IMPA2: variants seen among roughly 807,000 people sequenced by gnomAD.
The protein encoded by IMPA2 is IMP 2.
Under a neutral mutation model 35.1 loss-of-function variants are expected in IMPA2, and 32 were observed. The ratio of observed to expected loss-of-function variants is 0.91; its 90% CI spans 0.69 to 1.23. The LOEUF (loss-of-function observed/expected upper bound fraction) is 1.23. IMPA2 is among the 50% of genes most tolerant of loss of function. The pLI, the probability that IMPA2 is intolerant of heterozygous loss-of-function variation, is 0.00. For missense variants in IMPA2, 334 were observed against 387.6 expected, an observed-to-expected ratio of 0.86 and a Z score of 1.16; for synonymous variants, 135 against 160.6, an observed-to-expected ratio of 0.84 and a Z score of 1.20.
At chr18:12,012,731 C>G (rs1907469393) in intron 4 of IMPA2, among the ~76,000 whole-genome samples, 1 of 152,152 alleles carries the variant, frequency 6.6e-6, no homozygotes, top group Non-Finnish European at 1.5e-5. Flanking sequence ...AGGTTTAAAG[C>G]TTATTAAATA....
chr18:11,999,313 G>T, intron 2 of IMPA2, 126 bp downstream of exon 2: 1 of 815,396 alleles, frequency 1.2e-6, no homozygotes, highest in Non-Finnish European at 1.9e-6. Flanking sequence ...CCTAAGCCAC[G>T]CAGCCTAACC....
chr18:11,999,049 T>A lies in IMPA2; in HGVS notation c.97-5T>A. ...TTTAACCCAAATCCCGTACTTTTAT[T>A]TCAGATCATCAGAAAAGCCCTTACT... On this transcript the variant is annotated splice_polypyrimidine_tract_variant and splice_region_variant and intron_variant, in intron 1 of 7. Coordinates refer to ENST00000269159, the MANE Select transcript of IMPA2 (RefSeq NM_014214.3). 1 of 1,609,620 alleles carries A rather than the reference T, an allele frequency of 6.2e-7. No homozygotes were observed. The highest frequency in any genetic ancestry group is 8.5e-7 in the Non-Finnish European group (1 of 1,178,168).
rs982584329 is a variant in IMPA2, at chr18:11,999,138, G to A, written c.181G>A (p.Val61Met). The change falls in exon 2 of 8, where the codon GTG (valine) becomes ATG (methionine). Residue 61 changes from valine (V) to methionine (M), a missense_variant. By Grantham distance (21) the Val-to-Met change is conservative (BLOSUM62 1). Transcript: ENST00000269159. ...TCTTGTGACAGAAACAGATCACCTT[G>A]TGGAAGATTTAATTATTTCTGAGTT... ...ADLVTETDHLVEDLIISELRE... is the reference protein window; with the variant it reads ...ADLVTETDHLMEDLIISELRE... 2 of 1,613,898 alleles carry A rather than the reference G, an allele frequency of 1.2e-6. No individual in the cohort carries two copies. The highest frequency in any genetic ancestry group is 1.7e-6 in the Non-Finnish European group (2 of 1,179,884).
chr18:11,989,789 T>A (rs905849006), intron 1 of IMPA2, among the ~76,000 whole-genome samples: 10 of 152,118 alleles, frequency 6.6e-5, no homozygotes, highest in African/African-American at 2.4e-4. Context: ...TCTGTGGCCC[T>A]GAGCTTGTCA....
intron 5 of IMPA2, chr18:12,021,852 C>A (rs1228544594): frequency 6.6e-6 from 1 of 152,214 alleles, no homozygotes. Flanking sequence ...CAAATGACTT[C>A]TCTCATTATT....
At chr18:12,022,531 ATATATATATAT>A (rs1907759587) in intron 5 of IMPA2, among the ~76,000 whole-genome samples, 4 of 44,716 alleles carry the variant, frequency 8.9e-5, no homozygotes, top group African/African-American at 1.6e-4. Context: ...CAAAAAGAAT[ATATATATATAT>A]ATATATATAT....
At chr18:12,009,773 T>A in intron 2 of IMPA2, 110 bp from the exon 3 acceptor site, 1 of 783,808 alleles carries the variant, frequency 1.3e-6, no homozygotes, top group East Asian at 2.5e-5. Context: ...GAAACCATGA[T>A]GACATCTGTT....
intron 1 of IMPA2, among the ~76,000 whole-genome samples, chr18:11,997,157 C>T (rs145142150): frequency 4.1e-4 from 62 of 152,344 alleles, no homozygotes; most frequent in Middle Eastern, 3.4e-3. Context: ...GCCTGTCTGG[C>T]CAGCTCAGGG....
rs776694209 is a variant in IMPA2, at chr18:11,999,154, T to C, written c.197T>C (p.Ile66Thr). The C allele has an allele frequency of 5.6e-6, 9 of 1,613,866 alleles. No individual in the cohort carries two copies. The South Asian group carries it at 6.6e-5, about 12-fold the overall frequency. Residue 66 changes from isoleucine to threonine, a missense_variant, in exon 2 of 8, where the codon ATT becomes ACT. Coordinates refer to ENST00000269159, the MANE Select transcript of IMPA2 (RefSeq NM_014214.3). The stretch of plus-strand genomic sequence containing the variant: ...GATCACCTTGTGGAAGATTTAATTA[T>C]TTCTGAGTTGCGAGAGAGGTTTCCT... ...ETDHLVEDLI[I>T]SELRERFPSH...
chr18:12,014,744 C>G (rs1461783037), intron 5 of IMPA2, among the ~76,000 whole-genome samples: 2 of 152,200 alleles, frequency 1.3e-5, no homozygotes, highest in African/African-American at 4.8e-5. Context: ...TGCCCAGGCA[C>G]TGCTGCCCAG....
chr18:11,988,854 CAG>C (rs912498466), intron 1 of IMPA2, among the ~76,000 whole-genome samples: 4 of 152,076 alleles, frequency 2.6e-5, no homozygotes, highest in Non-Finnish European at 4.4e-5. Flanking sequence ...TTTTTTGAGA[CAG>C]GGTATCGCTT....
At chr18:12,027,058 T>C (rs995614933) in intron 5 of IMPA2, among the ~76,000 whole-genome samples, 5 of 152,242 alleles carry the variant, frequency 3.3e-5, no homozygotes, top group African/African-American at 1.2e-4. Context: ...GACACAGAAC[T>C]GGGTCCATTG....
chr18:12,028,915 T>C lies in IMPA2; in HGVS notation c.673T>C (p.Phe225Leu), dbSNP rs1907961010. The change falls in exon 7 of 8, where the codon TTT (phenylalanine) becomes CTT (leucine). Residue 225 changes from phenylalanine (F) to leucine (L), a missense_variant. By Grantham distance (22) the Phe-to-Leu change is conservative. Transcript: ENST00000269159. ...AGGGGCCGCGGATGCCTATTACCAG[T>C]TTGGCCTGCACTGCTGGGATCTGGC... ...ASGAADAYYQ[F>L]GLHCWDLAAA... 4 of 1,613,968 alleles carry C rather than the reference T, an allele frequency of 2.5e-6. No homozygotes were observed. Among genetic ancestry groups the C allele is most frequent in the Non-Finnish European group, 3.4e-6 (4 of 1,180,020 alleles).
chr18:11,999,282 T>C, intron 2 of IMPA2, 95 bp downstream of exon 2: 1 of 1,264,330 alleles, frequency 7.9e-7, no homozygotes, highest in Non-Finnish European at 1.1e-6. Flanking sequence ...TGCTGTTTGT[T>C]GATGTGGCCA....
chr18:12,022,162 A>G (rs1183575729), intron 5 of IMPA2, among the ~76,000 whole-genome samples: 1 of 152,178 alleles, frequency 6.6e-6, no homozygotes, highest in Non-Finnish European at 1.5e-5. Context: ...GTTCCTACAA[A>G]TAAGAACTCC....
At position 12,028,692 on chromosome 18, in the gene IMPA2, A is replaced by G. The variant is rs192018212; in HGVS notation, c.600-150A>G. ...CTGTTGGTTGGTGGCTCCAGGCCCT[A>G]TATTCAGCCTCCAGAGCTTTGGCAG... On this transcript the variant is annotated intron_variant, in intron 6 of 7. Transcript: ENST00000269159. 1.4e-4 allele frequency: 128 copies of G among 907,502 alleles called. No individual in the cohort carries two copies. The African/African-American group carries it at 1.9e-3, about 14-fold the overall frequency. The allele number at this position is 907,502 out of a possible 1,614,324, so 56.2% of individuals were successfully genotyped here.
At position 11,991,808 on chromosome 18, in the gene IMPA2, A is replaced by G. The variant is rs1268082410; in HGVS notation, c.97-7246A>G. Among the ~76,000 whole-genome samples the G allele has an allele frequency of 1.3e-5, 2 of 151,684 alleles. No homozygotes were observed. The highest frequency in any genetic ancestry group is 2.4e-5 in the African/African-American group (1 of 41,240). ...GGAAGGAGAGGGATCTACTTTCCTG[A>G]TTAAGATGCTGATGCCCTCGCAGAA... On this transcript the variant is annotated intron_variant, in intron 1 of 7. Coordinates refer to ENST00000269159, the MANE Select transcript of IMPA2 (RefSeq NM_014214.3). This position sits in a 1 kb window ranked among gnomAD's most constrained non-coding sequence, Gnocchi z 4.1.
chr18:12,029,850 G>T (rs1004802072), intron 7 of IMPA2, among the ~76,000 whole-genome samples: 1 of 152,208 alleles, frequency 6.6e-6, no homozygotes, highest in African/African-American at 2.4e-5. Flanking sequence ...AAGATGCAAG[G>T]CTTTATCATC....
intron 5 of IMPA2, among the ~76,000 whole-genome samples, chr18:12,014,880 A>G (rs1203474445): frequency 6.6e-6 from 1 of 152,100 alleles, no homozygotes; most frequent in Non-Finnish European, 1.5e-5. Context: ...GCCTGCCGTG[A>G]TTTCCTTAGC....
Sources: allele counts gnomAD v4.1 joint callset (sites outside exome capture counted in the v4.1 genomes callset), GRCh38; gene constraint gnomAD v4.1.1; non-coding constraint Gnocchi (gnomAD v3.1); transcripts MANE v1.5; gene names NCBI Gene and HGNC (gene_info 2026-07-23, HGNC 2026-07-21).